The following COBL variants were observed in gnomAD, a reference collection of about 807,000 sequenced individuals.
COBL encodes the protein cordon-bleu WH2 repeat protein, also known as protein cordon-bleu.
A neutral mutation model predicts 98.8 loss-of-function variants in COBL; 51 were observed. The observed-to-expected ratio is 0.52, with a 90% CI of 0.41 to 0.65. The LOEUF (loss-of-function observed/expected upper bound fraction) is 0.65. COBL is among the 30% of genes least tolerant of loss of function. The probability of loss-of-function intolerance (pLI) is 0.00; values close to 1 mark genes in which losing one functional copy is unlikely to be tolerated. For synonymous variants in COBL, 634 were observed against 651.7 expected, an observed-to-expected ratio of 0.97 and a Z score of 0.41; for missense variants, 1,617 against 1,617.5, an observed-to-expected ratio of 1.00 and a Z score of 0.01.
At chr7:51,231,624 C>T (rs534828990) in intron 1 of COBL, among the ~76,000 whole-genome samples, 5 of 152,142 alleles carry the variant, frequency 3.3e-5, no homozygotes, top group African/African-American at 4.8e-5. Flanking sequence ...CAGCAGCATG[C>T]GACAGAGAGG....
chr7:51,196,669 T>C (rs1034512094), intron 2 of COBL, among the ~76,000 whole-genome samples: 1 of 152,008 alleles, frequency 6.6e-6, no homozygotes, highest in Non-Finnish European at 1.5e-5. Context: ...TTTTTTTTGG[T>C]TGGTAGGCTA....
intron 6 of COBL, among the ~76,000 whole-genome samples, chr7:51,095,086 T>C (rs1012635034): frequency 8.5e-5 from 13 of 152,316 alleles, no homozygotes; most frequent in African/African-American, 1.9e-4. Flanking sequence ...TACCAAAGAA[T>C]GGGCAATTTA....
intron 1 of COBL, among the ~76,000 whole-genome samples, chr7:51,243,895 T>C (rs572771550): frequency 6.6e-6 from 1 of 152,228 alleles, no homozygotes; most frequent in South Asian, 2.1e-4. Flanking sequence ...GGTTTTGGTA[T>C]TGTCCTATAC....
chr7:51,272,329 G>A (rs903368098), intron 1 of COBL, among the ~76,000 whole-genome samples: 9 of 151,952 alleles, frequency 5.9e-5, no homozygotes, highest in African/African-American at 2.2e-4. Context: ...ATTGAGCTTG[G>A]GTTTTAATAA....
intron 2 of COBL, among the ~76,000 whole-genome samples, chr7:51,205,503 GA>G (rs542885445): frequency 0.012 from 1,738 of 140,262 alleles, 33 homozygotes; most frequent in African/African-American, 0.042. Flanking sequence ...ACTCTATACA[GA>G]AAAAAAAAAA....
chr7:51,230,072 G>C (rs543115426), intron 1 of COBL, among the ~76,000 whole-genome samples: 2 of 152,142 alleles, frequency 1.3e-5, no homozygotes, highest in African/African-American at 4.8e-5. Flanking sequence ...GGTTGACCTC[G>C]CTCCCCCAGC....
chr7:51,098,203 C>T (rs10274005), intron 6 of COBL, among the ~76,000 whole-genome samples: 141,944 of 142,248 alleles, frequency 1, 70,828 homozygotes, highest in Middle Eastern at 1. Flanking sequence ...GCAATCACTA[C>T]CAAAATCCCA....
At chr7:51,153,927 A>C (rs1291808659) in intron 5 of COBL, among the ~76,000 whole-genome samples, 1 of 152,218 alleles carries the variant, frequency 6.6e-6, no homozygotes, top group Non-Finnish European at 1.5e-5. Flanking sequence ...TGGGAGGTAC[A>C]TGTAACTTCC....
At chr7:51,026,851 T>C (rs1252257944) in intron 10 of COBL, among the ~76,000 whole-genome samples, 186 bp from the exon 11 acceptor site, 1 of 152,082 alleles carries the variant, frequency 6.6e-6, no homozygotes, top group African/African-American at 2.4e-5. Context: ...TGAGCCAAGA[T>C]TGTGCCACTG....
intron 1 of COBL, among the ~76,000 whole-genome samples, chr7:51,309,175 C>T (rs12532721): frequency 0.32 from 48,542 of 151,984 alleles, 9,190 homozygotes; most frequent in Non-Finnish European, 0.43. Flanking sequence ...CTCCAAGCTG[C>T]CCTTTTAAGG....
intron 5 of COBL, among the ~76,000 whole-genome samples, chr7:51,177,832 AT>A (rs1788543742): frequency 6.6e-6 from 1 of 151,682 alleles, no homozygotes; most frequent in Non-Finnish European, 1.5e-5. Flanking sequence ...TTAAAAGGTT[AT>A]AAAAAAGACA....
chr7:51,227,312 T>C (rs1016649040), intron 1 of COBL, among the ~76,000 whole-genome samples: 8 of 152,064 alleles, frequency 5.3e-5, no homozygotes, highest in African/African-American at 1.7e-4. Context: ...GGGGACTGTG[T>C]TCAACTGCCT....
intron 7 of COBL, among the ~76,000 whole-genome samples, chr7:51,055,170 G>A (rs748823782): frequency 1.2e-4 from 19 of 152,180 alleles, no homozygotes; most frequent in Middle Eastern, 3.2e-3. Flanking sequence ...CCGCAAGGGC[G>A]GCTCAGGCCC....
chr7:51,092,713 G>C (rs1265643148), intron 6 of COBL, among the ~76,000 whole-genome samples: 1 of 152,102 alleles, frequency 6.6e-6, no homozygotes, highest in Admixed American at 6.5e-5. Flanking sequence ...TCGAAATCAG[G>C]GAGTGTGATG....
At chr7:51,115,801 G>C (rs1399336373) in intron 6 of COBL, among the ~76,000 whole-genome samples, 1 of 151,996 alleles carries the variant, frequency 6.6e-6, no homozygotes, top group Non-Finnish European at 1.5e-5. Flanking sequence ...TTCTATCTGA[G>C]AGATTGTTCT....
intron 7 of COBL, among the ~76,000 whole-genome samples, chr7:51,056,137 ATTAC>A (rs1790725942): frequency 6.6e-6 from 1 of 151,502 alleles, no homozygotes; most frequent in Admixed American, 6.6e-5. Context: ...GAATGAGGAA[ATTAC>A]TTACAAAAAT....
chr7:51,237,292 AAAAC>A (rs929351750), intron 1 of COBL, among the ~76,000 whole-genome samples: 4 of 149,300 alleles, frequency 2.7e-5, no homozygotes, highest in African/African-American at 1.0e-4. Flanking sequence ...TATTAGAAAA[AAAAC>A]AAAGATTTTA....
At position 51,073,560 on chromosome 7, in the gene COBL, A is replaced by G. The variant is rs202152619; in HGVS notation, c.1096+11606T>C. 2.9e-3 allele frequency among the ~76,000 whole-genome samples: 445 copies of G among 152,316 alleles called. 3 individuals carry two copies. The highest frequency in any genetic ancestry group is 0.01 in the African/African-American group (430 of 41,572). On this transcript the variant is annotated intron_variant, in intron 7 of 12. Transcript: ENST00000265136. ...TTTCCATTTAGTCTTTTTGTATGCC[A>G]GCTGTGGAAAGGGCCTATTGATCCA...
intron 6 of COBL, among the ~76,000 whole-genome samples, chr7:51,132,683 A>C (rs1398647310): frequency 6.6e-6 from 1 of 152,208 alleles, no homozygotes; most frequent in Non-Finnish European, 1.5e-5. Flanking sequence ...AAAAGGGTTT[A>C]ATTGGCTCAT....
Sources: gnomAD v4.1 joint callset for allele counts (sites outside exome capture counted in the v4.1 genomes callset) on GRCh38, gnomAD v4.1.1 for gene constraint, MANE v1.5 for transcripts, NCBI Gene and HGNC (gene_info 2026-07-23, HGNC 2026-07-21) for gene names.